LRBA: variants seen among roughly 807,000 people sequenced by gnomAD.
LRBA encodes the protein LPS responsive beige-like anchor protein.
A neutral mutation model predicts 330.0 loss-of-function variants in LRBA; 176 were observed. The ratio of observed to expected loss-of-function variants is 0.53; its 90% CI spans 0.47 to 0.60. The LOEUF is 0.60. Ranked by LOEUF, LRBA falls within the 20% of genes least tolerant of loss-of-function variation. LRBA has a pLI of 0.00. For missense variants in LRBA, 3,259 were observed against 3,444.8 expected (o/e 0.95, Z 1.35); for synonymous variants, 1,230 against 1,193.0 (o/e 1.03, Z -0.64).
At chr4:150,467,361 G>A (rs923797939) in intron 44 of LRBA, among the ~76,000 whole-genome samples, 1 of 152,046 alleles carries the variant, frequency 6.6e-6, no homozygotes, top group East Asian at 1.9e-4. Context: ...GTAGAAGAGA[G>A]GAAGTGTCTC....
At chr4:150,501,022 C>G (rs928538170) in intron 40 of LRBA, among the ~76,000 whole-genome samples, 20 of 152,154 alleles carry the variant, frequency 1.3e-4, no homozygotes, top group Admixed American at 2.0e-4. Flanking sequence ...GAGCATGGAA[C>G]TAAATGCTAT....
At chr4:150,718,589 C>A (rs751984102) in intron 36 of LRBA, among the ~76,000 whole-genome samples, 108 of 152,042 alleles carry the variant, frequency 7.1e-4, no homozygotes, top group Admixed American at 3.1e-3. Context: ...AAAAAATATA[C>A]GTTTGCTCTC....
intron 47 of LRBA, among the ~76,000 whole-genome samples, chr4:150,353,645 A>G (rs1039470224): frequency 6.6e-6 from 1 of 152,170 alleles, no homozygotes; most frequent in Admixed American, 6.5e-5. Context: ...TTAAGCAAAA[A>G]TGCTGAAAGG....
chr4:150,476,772 G>A (rs1419577683), intron 42 of LRBA, among the ~76,000 whole-genome samples: 4 of 152,238 alleles, frequency 2.6e-5, no homozygotes, highest in Admixed American at 6.5e-5. Context: ...GCATCTTTGG[G>A]CTGACTCAAT....
chr4:150,767,756 CAAAAAAA>C (rs373910038), intron 34 of LRBA, among the ~76,000 whole-genome samples: 181 of 118,790 alleles, frequency 1.5e-3, no homozygotes, highest in African/African-American at 5.1e-3. Context: ...AGACTTGTTG[CAAAAAAA>C]AAAAAAAAAA....
At chr4:150,627,270 C>T (rs1189098127) in intron 37 of LRBA, among the ~76,000 whole-genome samples, 1 of 151,868 alleles carries the variant, frequency 6.6e-6, no homozygotes, top group East Asian at 1.9e-4. Context: ...TAAGGTACTC[C>T]TGACTGTGTG....
intron 40 of LRBA, among the ~76,000 whole-genome samples, chr4:150,513,727 C>T (rs2152141125): frequency 6.6e-6 from 1 of 152,310 alleles, no homozygotes; most frequent in Admixed American, 6.5e-5. Context: ...TCATCGTCTT[C>T]TTATAAGGCC....
chr4:150,534,323 T>C (rs1437589108), intron 40 of LRBA, among the ~76,000 whole-genome samples: 2 of 141,758 alleles, frequency 1.4e-5, no homozygotes, highest in Non-Finnish European at 3.1e-5. Flanking sequence ...TGTGCACATG[T>C]ACCCTAAAAC....
At position 150,963,252 on chromosome 4, in the gene LRBA, A is replaced by G. The variant is rs552137631; in HGVS notation, c.217-34187T>C. 3.4e-5 allele frequency among the ~76,000 whole-genome samples: 5 copies of G among 148,210 alleles called. No homozygotes were observed. The East Asian group carries it at 7.8e-4, about 23-fold the overall frequency. ...TGATGCCGAGCCGAGGCTGGACTGTACTGCTGCCATCTTGGCTCACTGCAG... is the reference window on the plus strand; with the variant it reads ...TGATGCCGAGCCGAGGCTGGACTGTGCTGCTGCCATCTTGGCTCACTGCAG... On this transcript the variant is annotated intron_variant, in intron 2 of 56. Coordinates refer to ENST00000651943, the MANE Select transcript of LRBA (RefSeq NM_001364905.1).
At chr4:150,379,314 A>AC (rs940137723) in intron 47 of LRBA, among the ~76,000 whole-genome samples, 1 of 150,826 alleles carries the variant, frequency 6.6e-6, no homozygotes, top group Non-Finnish European at 1.5e-5. Flanking sequence ...AAAAAAAAAA[A>AC]AAAAAAAAAA....
intron 48 of LRBA, among the ~76,000 whole-genome samples, chr4:150,346,086 G>A (rs962293547): frequency 3.9e-5 from 6 of 152,152 alleles, no homozygotes; most frequent in Admixed American, 6.5e-5. Context: ...GGGATTACAC[G>A]TGTAAGCCAC....
intron 40 of LRBA, among the ~76,000 whole-genome samples, chr4:150,539,210 G>A (rs1398868895): frequency 2.6e-5 from 4 of 152,100 alleles, no homozygotes; most frequent in East Asian, 1.9e-4. Flanking sequence ...TCTTGACGTC[G>A]TGATCCGCCC....
chr4:150,634,280 A>C (rs1453318585), intron 37 of LRBA, among the ~76,000 whole-genome samples: 2 of 152,128 alleles, frequency 1.3e-5, no homozygotes, highest in Non-Finnish European at 2.9e-5. Context: ...CACAACAGTA[A>C]ATTTGTATCT....
At chr4:150,521,964 T>A (rs1212792625) in intron 40 of LRBA, among the ~76,000 whole-genome samples, 1 of 152,236 alleles carries the variant, frequency 6.6e-6, no homozygotes, top group Admixed American at 6.5e-5. Context: ...ATTTAAATAT[T>A]TTCCCTTCAG....
At chr4:150,467,549 T>A in intron 44 of LRBA, 124 bp downstream of exon 44, 4 of 569,500 alleles carry the variant, frequency 7.0e-6, no homozygotes, top group Middle Eastern at 4.8e-4. Flanking sequence ...GTTTAAGAGA[T>A]AATTATATTA....
chr4:150,818,777 A>G (rs1226154375), intron 30 of LRBA, among the ~76,000 whole-genome samples: 1 of 152,064 alleles, frequency 6.6e-6, no homozygotes, highest in Non-Finnish European at 1.5e-5. Context: ...AGCAAGATCT[A>G]GTTTACTCAT....
rs78930341 is a variant in LRBA, at chr4:150,729,909, A to C, written c.5754+5349T>G. On this transcript the variant is annotated intron_variant, in intron 36 of 56. Transcript: ENST00000651943. Reference sequence around the variant, plus strand: ...ACATTGGAGAAAAGACACTCTCTTCAATATATGGCACTGGGAAAGCTAGTT... The same window carrying C: ...ACATTGGAGAAAAGACACTCTCTTCCATATATGGCACTGGGAAAGCTAGTT... 5.6e-3 allele frequency among the ~76,000 whole-genome samples: 850 copies of C among 152,344 alleles called. 7 individuals carry two copies. Among genetic ancestry groups the C allele is most frequent in the African/African-American group, 0.02 (827 of 41,582 alleles).
intron 37 of LRBA, among the ~76,000 whole-genome samples, chr4:150,663,964 CAAAG>C (rs1461510944): frequency 6.6e-6 from 1 of 151,868 alleles, no homozygotes; most frequent in African/African-American, 2.4e-5. Flanking sequence ...ACTGAAAACA[CAAAG>C]AAGAGCATGA....
rs1481341921 is a variant in LRBA, at chr4:150,408,181, C to T, written c.7194+7257G>A. On this transcript the variant is annotated intron_variant, in intron 47 of 56. Coordinates refer to ENST00000651943, the MANE Select transcript of LRBA (RefSeq NM_001364905.1). ...GACTGAGCCAGAAAAAAAGATAACA[C>T]CAATTACCAAAAATCAGTATAAATG... Among the ~76,000 whole-genome samples, 7 of 151,780 alleles carry T rather than the reference C, an allele frequency of 4.6e-5. 1 individual carries two copies. Among genetic ancestry groups the T allele is most frequent in the Non-Finnish European group, 7.4e-5 (5 of 67,928 alleles).
Sources: gnomAD v4.1 joint callset for allele counts (sites outside exome capture counted in the v4.1 genomes callset) on GRCh38, gnomAD v4.1.1 for gene constraint, MANE v1.5 for transcripts, NCBI Gene and HGNC (gene_info 2026-07-23, HGNC 2026-07-21) for gene names.